Variants in NFAT5 observed in about 807,000 individuals in gnomAD.
NFAT5 encodes nuclear factor of activated T-cells 5.
NFAT5 carries 31 observed loss-of-function variants against 166.5 expected under a neutral mutation model. That is an observed-to-expected ratio of 0.19 (90% confidence interval 0.14 to 0.25). NFAT5 has a LOEUF of 0.25. NFAT5 is among the 10% of genes least tolerant of loss of function. NFAT5 has a pLI of 1.00. For missense variants in NFAT5, 1,449 were observed against 1,821.8 expected (o/e 0.80, Z 3.72); for synonymous variants, 612 against 639.7 (o/e 0.96, Z 0.65).
At chr16:69,671,053 C>T (rs1288683265) in intron 9 of NFAT5, among the ~76,000 whole-genome samples, 1 of 152,132 alleles carries the variant, frequency 6.6e-6, no homozygotes, top group Non-Finnish European at 1.5e-5. Flanking sequence ...GCCACTTTAT[C>T]CAAAAAGTTT....
chr16:69,605,237 C>T (rs1017048096), intron 2 of NFAT5, among the ~76,000 whole-genome samples: 4 of 152,060 alleles, frequency 2.6e-5, no homozygotes, highest in Non-Finnish European at 4.4e-5. Flanking sequence ...TTCAGGAGTT[C>T]GAGATCTGCC....
chr16:69,604,222 C>G (rs528460620), intron 2 of NFAT5, among the ~76,000 whole-genome samples: 1 of 152,280 alleles, frequency 6.6e-6, no homozygotes, highest in East Asian at 1.9e-4. Flanking sequence ...ACACTCCGTA[C>G]TTCCTACTGT....
chr16:69,671,861 C>T (rs1215981637), intron 9 of NFAT5, among the ~76,000 whole-genome samples: 3 of 152,198 alleles, frequency 2.0e-5, no homozygotes, highest in African/African-American at 7.2e-5. Flanking sequence ...TCACCCAAGC[C>T]TTTGGTGTCC....
intron 2 of NFAT5, among the ~76,000 whole-genome samples, chr16:69,617,117 T>C (rs1386743121): frequency 6.6e-6 from 1 of 152,094 alleles, no homozygotes; most frequent in East Asian, 1.9e-4. Flanking sequence ...CTAATTTTTC[T>C]ATTTTTAGTA....
rs1037382239 is a variant in NFAT5, at chr16:69,661,539, TAAAAAAA to T, written c.1369+1662_1369+1668del. 3.6e-3 allele frequency among the ~76,000 whole-genome samples: 137 copies of T among 37,932 alleles called. 3 individuals carry two copies. Among genetic ancestry groups the T allele is most frequent in the East Asian group, 0.027 (20 of 754 alleles). The allele number at this position is 37,932 out of a possible 152,430, so 24.9% of individuals were successfully genotyped here. A position where few individuals can be genotyped will look rare whatever the true frequency, so the allele number is the denominator to read the frequency against. On this transcript the variant is annotated intron_variant, in intron 7 of 14. Coordinates refer to ENST00000349945, the MANE Select transcript of NFAT5 (RefSeq NM_138713.4). The stretch of plus-strand genomic sequence containing the variant: ...AGCCTGTATAAGAGACCCAGTCTCT[TAAAAAAA>T]AAAAAAAAAAAAAAAAAAAAAGGAA...
intron 9 of NFAT5, among the ~76,000 whole-genome samples, chr16:69,672,368 T>G (rs1488837882): frequency 3.3e-5 from 5 of 152,250 alleles, no homozygotes; most frequent in Non-Finnish European, 7.3e-5. Context: ...ATGACTTTTG[T>G]GCTCCAGTTT....
At chr16:69,684,770 T>G in intron 10 of NFAT5, 117 bp from the exon 11 acceptor site, 1 of 676,328 alleles carries the variant, frequency 1.5e-6, no homozygotes, top group South Asian at 2.4e-5. Flanking sequence ...CTAGAATTTC[T>G]GCTAAATAAA....
chr16:69,653,524 C>T, intron 5 of NFAT5, 96 bp downstream of exon 5: 3 of 747,690 alleles, frequency 4.0e-6, no homozygotes, highest in Non-Finnish European at 4.0e-6. Flanking sequence ...CATGAATTTT[C>T]TTCCCTCATA....
chr16:69,626,303 T>A, intron 2 of NFAT5, 100 bp from the exon 3 acceptor site: 1 of 1,091,036 alleles, frequency 9.2e-7, no homozygotes, highest in Non-Finnish European at 1.3e-6. Context: ...ATAATACAGT[T>A]CTCCTCATGA....
intron 11 of NFAT5, 29 bp from the exon 12 acceptor site, chr16:69,690,911 C>T: frequency 6.9e-7 from 1 of 1,439,728 alleles, no homozygotes; most frequent in Non-Finnish European, 9.2e-7. Flanking sequence ...TGATTTTAAA[C>T]TTTTCTTTTT....
intron 3 of NFAT5, among the ~76,000 whole-genome samples, chr16:69,642,372 A>G (rs1327185642): frequency 6.6e-6 from 1 of 152,214 alleles, no homozygotes; most frequent in African/African-American, 2.4e-5. Flanking sequence ...TACTTTACAT[A>G]TGACACTTTA....
intron 3 of NFAT5, among the ~76,000 whole-genome samples, chr16:69,640,197 A>C (rs1464592157): frequency 6.6e-6 from 1 of 152,174 alleles, no homozygotes; most frequent in African/African-American, 2.4e-5. Context: ...AGTGTCTGTC[A>C]ATAGTGAAGA....
At chr16:69,658,620 G>C (rs1485481886) in intron 6 of NFAT5, among the ~76,000 whole-genome samples, 1 of 152,026 alleles carries the variant, frequency 6.6e-6, no homozygotes, top group East Asian at 1.9e-4. Context: ...CTTGAGCCAG[G>C]AGTTCGAGAC....
At chr16:69,620,933 G>C (rs2034168577) in intron 2 of NFAT5, among the ~76,000 whole-genome samples, 2 of 152,144 alleles carry the variant, frequency 1.3e-5, no homozygotes, top group African/African-American at 4.8e-5. Context: ...CTTCCAGATT[G>C]AACCTATACA....
At chr16:69,680,411 A>T (rs1010080081) in intron 10 of NFAT5, among the ~76,000 whole-genome samples, 13 of 152,214 alleles carry the variant, frequency 8.5e-5, no homozygotes, top group Admixed American at 3.9e-4. Flanking sequence ...ACTTTGAAGT[A>T]CTTAGCATCA....
chr16:69,640,440 T>C (rs758731432), intron 3 of NFAT5, among the ~76,000 whole-genome samples: 2 of 152,234 alleles, frequency 1.3e-5, no homozygotes, highest in African/African-American at 4.8e-5. Flanking sequence ...AAGGTTGGCA[T>C]GTAAGGTGTC....
At chr16:69,633,727 A>C (rs910789883) in intron 3 of NFAT5, among the ~76,000 whole-genome samples, 1 of 152,190 alleles carries the variant, frequency 6.6e-6, no homozygotes, top group Admixed American at 6.5e-5. Context: ...GAAGGATACA[A>C]AATTTCAGCT....
chr16:69,568,332 G>A (rs934486522), intron 1 of NFAT5, among the ~76,000 whole-genome samples, 163 bp from the exon 2 acceptor site: 3 of 75,202 alleles, frequency 4.0e-5, no homozygotes. Flanking sequence ...AAATGTATGT[G>A]TGTATATATA....
chr16:69,632,200 G>C lies in NFAT5; in HGVS notation c.253+5672G>C, dbSNP rs187025245. 1.1e-4 allele frequency: 17 copies of C among 152,136 alleles called. No homozygotes were observed. In the East Asian group the frequency reaches 2.9e-3, roughly 26 times the overall value. 9.4% of individuals were successfully genotyped at this position (152,136 alleles called of 1,614,324 possible). On this transcript the variant is annotated intron_variant, in intron 3 of 14. Transcript: ENST00000349945. ...TAATAATACACTGTACAAAAACTGA[G>C]GTGAAGAAAATATGTTACTCCTCCT...
Sources: gnomAD v4.1 joint callset for allele counts (sites outside exome capture counted in the v4.1 genomes callset) on GRCh38, gnomAD v4.1.1 for gene constraint, MANE v1.5 for transcripts, NCBI Gene and HGNC (gene_info 2026-07-23, HGNC 2026-07-21) for gene names.